RALGAPA1: variants seen among roughly 807,000 people sequenced by gnomAD.
RALGAPA1 encodes the protein Ral GTPase activating protein catalytic subunit alpha 1, also known as ral GTPase-activating protein subunit alpha-1.
Under a neutral mutation model 269.6 loss-of-function variants are expected in RALGAPA1, and 52 were observed. That is an observed-to-expected ratio of 0.19 (90% CI 0.15 to 0.24). RALGAPA1 has a LOEUF of 0.24. Among genes scored for constraint, RALGAPA1 ranks in the 10% least tolerant of loss-of-function variants. The pLI, the probability that RALGAPA1 is intolerant of heterozygous loss-of-function variation, is 1.00. For synonymous variants in RALGAPA1, 817 were observed against 1,008.3 expected (o/e 0.81, Z 3.60); for missense variants, 1,917 against 3,013.9 (o/e 0.64, Z 8.52).
At chr14:35,584,401 A>C (rs1192965034) in intron 37 of RALGAPA1, among the ~76,000 whole-genome samples, 2 of 152,030 alleles carry the variant, frequency 1.3e-5, no homozygotes, top group African/African-American at 2.4e-5. Flanking sequence ...AGTCGCTGGG[A>C]CCATGGGGAT....
chr14:35,790,680 T>C (rs985352056), intron 1 of RALGAPA1, among the ~76,000 whole-genome samples: 2 of 135,850 alleles, frequency 1.5e-5, no homozygotes, highest in Admixed American at 1.5e-4. Context: ...AAGAAGAGAC[T>C]GTCTAAAAAA....
At chr14:35,630,215 C>G (rs1383687893) in intron 33 of RALGAPA1, among the ~76,000 whole-genome samples, 1 of 151,786 alleles carries the variant, frequency 6.6e-6, no homozygotes, top group Non-Finnish European at 1.5e-5. Context: ...TGCTGAGTAT[C>G]AAAATTTTAA....
intron 33 of RALGAPA1, 84 bp downstream of exon 33, chr14:35,634,487 CCTT>C (rs1169189358): frequency 5.7e-6 from 6 of 1,046,600 alleles, no homozygotes; most frequent in Non-Finnish European, 8.1e-6. Flanking sequence ...GACATACTCT[CCTT>C]CTCCAATATT....
intron 3 of RALGAPA1, among the ~76,000 whole-genome samples, chr14:35,774,359 A>T (rs983067560): frequency 2.6e-5 from 4 of 152,154 alleles, no homozygotes; most frequent in Non-Finnish European, 5.9e-5. Context: ...ATGACTGTTT[A>T]TCTGTTTACT....
At chr14:35,762,175 G>T (rs1438579270) in intron 5 of RALGAPA1, among the ~76,000 whole-genome samples, 2 of 152,088 alleles carry the variant, frequency 1.3e-5, no homozygotes, top group Non-Finnish European at 2.9e-5. Flanking sequence ...TCCATTGAGT[G>T]GCAAAGTACA....
chr14:35,720,405 C>T (rs999180931), intron 16 of RALGAPA1, among the ~76,000 whole-genome samples: 26 of 152,086 alleles, frequency 1.7e-4, no homozygotes, highest in African/African-American at 5.1e-4. Flanking sequence ...TAATTCTTAA[C>T]ACTTTAGAAC....
intron 13 of RALGAPA1, 84 bp downstream of exon 13, chr14:35,728,278 T>C: frequency 1.6e-6 from 2 of 1,259,806 alleles, no homozygotes; most frequent in Non-Finnish European, 1.0e-6. Flanking sequence ...ACAAACCCTC[T>C]TCACAGACAC....
At chr14:35,735,543 C>A (rs1876924810) in intron 12 of RALGAPA1, among the ~76,000 whole-genome samples, 1 of 152,042 alleles carries the variant, frequency 6.6e-6, no homozygotes, top group South Asian at 2.1e-4. Context: ...ATACAAGGGA[C>A]TTTGGGGACT....
chr14:35,573,650 T>C (rs917756489), intron 37 of RALGAPA1, among the ~76,000 whole-genome samples: 2 of 152,154 alleles, frequency 1.3e-5, no homozygotes, highest in Admixed American at 6.5e-5. Flanking sequence ...TAATATCTGA[T>C]TTAAACAAAG....
rs1212934162 is a variant in RALGAPA1 at position 35,674,194 on chromosome 14, G to A, written c.4903C>T (p.Pro1635Ser). ...VLIPPLRILT[P>S]WLFKATMLTD... ...ATTAAGCTTACCTTAAAAAGCCAAG[G>A]TGTAAGAATTCTCAGTGGAGGAATT... Residue 1635 changes from proline to serine, a missense_variant, in exon 24 of 42, where the codon CCT (proline) becomes TCT (serine). Physicochemically the swap from Pro to Ser is moderately conservative, Grantham distance 74. Coordinates refer to ENST00000680220, the MANE Select transcript of RALGAPA1 (RefSeq NM_001346249.2). 1 of 1,609,488 alleles carries A rather than the reference G, an allele frequency of 6.2e-7. No homozygotes were observed. Among genetic ancestry groups the A allele is most frequent in the South Asian group, 1.1e-5 (1 of 90,458 alleles).
At chr14:35,808,682 G>T in intron 1 of RALGAPA1, 48 bp downstream of exon 1, 1 of 1,566,652 alleles carries the variant, frequency 6.4e-7, no homozygotes, top group Non-Finnish European at 8.7e-7. Flanking sequence ...CCAGGAGAGG[G>T]AAGGCCGGGC....
At chr14:35,547,439 C>G (rs990600221) in intron 41 of RALGAPA1, among the ~76,000 whole-genome samples, 1 of 152,030 alleles carries the variant, frequency 6.6e-6, no homozygotes, top group African/African-American at 2.4e-5. Context: ...CACATGAGAA[C>G]TGAACAGCCT....
intron 41 of RALGAPA1, among the ~76,000 whole-genome samples, chr14:35,547,385 C>T (rs1389054834): frequency 1.3e-5 from 2 of 151,968 alleles, no homozygotes; most frequent in African/African-American, 4.8e-5. Context: ...ATGGGGAGAA[C>T]ATTAAGATGA....
chr14:35,713,701 TG>T (rs2068560728), intron 16 of RALGAPA1, among the ~76,000 whole-genome samples: 2 of 152,098 alleles, frequency 1.3e-5, no homozygotes, highest in Non-Finnish European at 2.9e-5. Flanking sequence ...CTAGAGCATA[TG>T]GACATGAATT....
intron 16 of RALGAPA1, among the ~76,000 whole-genome samples, chr14:35,720,762 A>G (rs111400199): frequency 2.4e-4 from 37 of 152,298 alleles, no homozygotes; most frequent in African/African-American, 8.4e-4. Context: ...CCCTGTCTCT[A>G]TGAAAAATAA....
rs140071628 is a variant in RALGAPA1 at position 35,806,215 on chromosome 14, C to T, written c.106+2515G>A. On this transcript the variant is annotated intron_variant, in intron 1 of 41. Transcript: ENST00000680220. ...AAATAAGCACTTTTTATTTTTATAT[C>T]AAGAGGACTGAACTGTTAGCTGTAA... Among the ~76,000 whole-genome samples the T allele has an allele frequency of 5.2e-3, 785 of 152,134 alleles. 3 individuals carry two copies. The highest frequency in any genetic ancestry group is 0.018 in the African/African-American group (750 of 41,506).
At chr14:35,751,103 G>C (rs1339849068) in intron 8 of RALGAPA1, among the ~76,000 whole-genome samples, 1 of 152,194 alleles carries the variant, frequency 6.6e-6, no homozygotes, top group Non-Finnish European at 1.5e-5. Flanking sequence ...CTGGGAAAGA[G>C]ACAATTTACC....
chr14:35,793,238 CTT>C (rs762905743), intron 1 of RALGAPA1, among the ~76,000 whole-genome samples: 20 of 140,998 alleles, frequency 1.4e-4, no homozygotes, highest in Non-Finnish European at 1.1e-4. Flanking sequence ...CCAAAGTCTA[CTT>C]TTTTTTTTTT....
intron 12 of RALGAPA1, among the ~76,000 whole-genome samples, chr14:35,731,449 A>C (rs2070468742): frequency 1.3e-5 from 2 of 152,240 alleles, no homozygotes; most frequent in Non-Finnish European, 2.9e-5. Context: ...GACACACCAG[A>C]GAAAGGCAAA....
Sources: allele counts gnomAD v4.1 joint callset (sites outside exome capture counted in the v4.1 genomes callset), GRCh38; gene constraint gnomAD v4.1.1; transcripts MANE v1.5; gene names NCBI Gene and HGNC (gene_info 2026-07-23, HGNC 2026-07-21).